MALRD1: variants seen among roughly 807,000 people sequenced by gnomAD.
MALRD1 encodes the protein MAM and LDL receptor class A domain containing 1, also known as MAM and LDL-receptor class A domain-containing protein 1.
In MALRD1, 247 loss-of-function variants were observed where a neutral mutation model predicts 242.1. The observed-to-expected ratio is 1.02, with a 90% CI of 0.92 to 1.13. The LOEUF is 1.13. Ranked by LOEUF, MALRD1 falls within the 50% of genes most tolerant of loss-of-function variation. The pLI is 0.00. For missense variants in MALRD1, 2,989 were observed against 2,533.1 expected (o/e 1.18, Z -3.86); for synonymous variants, 995 against 866.6 (o/e 1.15, Z -2.60).
At chr10:19,363,482 G>A (rs1844982857) in intron 26 of MALRD1, among the ~76,000 whole-genome samples, 1 of 152,126 alleles carries the variant, frequency 6.6e-6, no homozygotes, top group Non-Finnish European at 1.5e-5. Context: ...ACTGGCCATT[G>A]TATTTAGCAA....
Position 19,568,947 on chromosome 10 carries a change from A to G in MALRD1, c.5680+1244A>G, listed in dbSNP as rs148906918. Among the ~76,000 whole-genome samples the G allele has an allele frequency of 9.2e-3, 1,402 of 152,266 alleles. 13 individuals carry two copies. The highest frequency in any genetic ancestry group is 0.038 in the South Asian group (185 of 4,830). ...GCACACCTCTGTAGATTCTAGATAC[A>G]TATTCACATAATAATATGAACAGAT... On this transcript the variant is annotated intron_variant, in intron 33 of 39. Transcript: ENST00000454679.
At chr10:19,087,666 A>G (rs897663858) in intron 2 of MALRD1, among the ~76,000 whole-genome samples, 174 bp from the exon 3 acceptor site, 1 of 152,004 alleles carries the variant, frequency 6.6e-6, no homozygotes, top group Non-Finnish European at 1.5e-5. Context: ...TGGGGTATCC[A>G]TCCCCTAAGC....
intron 36 of MALRD1, among the ~76,000 whole-genome samples, chr10:19,634,993 C>A (rs1215419622): frequency 1.3e-5 from 2 of 152,144 alleles, no homozygotes; most frequent in African/African-American, 4.8e-5. Context: ...TTGCCTTGAT[C>A]TGTAGCTTTT....
chr10:19,607,734 A>G, intron 34 of MALRD1, 43 bp from the exon 35 acceptor site: 1 of 1,524,906 alleles, frequency 6.6e-7, no homozygotes, highest in Non-Finnish European at 8.8e-7. Flanking sequence ...GACAAAAAAA[A>G]ATCATGCTGG....
At chr10:19,627,348 G>A (rs1189875160) in intron 36 of MALRD1, among the ~76,000 whole-genome samples, 2 of 151,994 alleles carry the variant, frequency 1.3e-5, no homozygotes. Flanking sequence ...TCGAAAACTT[G>A]ATCACATGGA....
At chr10:19,371,935 A>G (rs1384704979) in intron 26 of MALRD1, among the ~76,000 whole-genome samples, 1 of 152,172 alleles carries the variant, frequency 6.6e-6, no homozygotes, top group Non-Finnish European at 1.5e-5. Context: ...GAATTCCCAC[A>G]GATATGAGTA....
At chr10:19,124,484 G>A in intron 6 of MALRD1, 40 bp from the exon 7 acceptor site, 1 of 1,233,194 alleles carries the variant, frequency 8.1e-7, no homozygotes, top group Non-Finnish European at 1.0e-6. Flanking sequence ...AGCCACTCTA[G>A]CAGACTAATA....
chr10:19,680,239 G>A (rs541375940), intron 36 of MALRD1, among the ~76,000 whole-genome samples: 31 of 152,230 alleles, frequency 2.0e-4, no homozygotes, highest in African/African-American at 7.5e-4. Context: ...ACAGTTGGGT[G>A]TTAAAGTCTT....
intron 6 of MALRD1, 70 bp from the exon 7 acceptor site, chr10:19,124,454 A>G: frequency 8.3e-7 from 1 of 1,201,822 alleles, no homozygotes; most frequent in Non-Finnish European, 1.0e-6. Flanking sequence ...GGTTGATTAC[A>G]ACACATAACT....
chr10:19,174,860 T>C (rs1294234268), intron 13 of MALRD1, among the ~76,000 whole-genome samples: 1 of 152,152 alleles, frequency 6.6e-6, no homozygotes, highest in African/African-American at 2.4e-5. Context: ...TCAATTCATA[T>C]CTCAGTTAAA....
At chr10:19,070,960 T>G (rs1835128406) in intron 2 of MALRD1, among the ~76,000 whole-genome samples, 1 of 148,070 alleles carries the variant, frequency 6.8e-6, no homozygotes, top group Non-Finnish European at 1.5e-5. Flanking sequence ...CAAGCAATTC[T>G]CCTGTGTCAG....
At chr10:19,562,777 C>T (rs1223413270) in intron 32 of MALRD1, among the ~76,000 whole-genome samples, 3 of 152,052 alleles carry the variant, frequency 2.0e-5, no homozygotes, top group Non-Finnish European at 4.4e-5. Flanking sequence ...GTGGCAGTGG[C>T]GTTAGATTCC....
intron 31 of MALRD1, among the ~76,000 whole-genome samples, chr10:19,512,412 A>T (rs1040806833): frequency 5.9e-4 from 90 of 152,352 alleles, no homozygotes; most frequent in African/African-American, 2.1e-3. Flanking sequence ...ACATTTGCCC[A>T]AGGCAATCCA....
chr10:19,302,786 T>A (rs995905145), intron 21 of MALRD1, among the ~76,000 whole-genome samples: 1 of 151,750 alleles, frequency 6.6e-6, no homozygotes, highest in Non-Finnish European at 1.5e-5. Flanking sequence ...GGCTAATTTT[T>A]TGAAAAATAA....
At chr10:19,514,007 G>C (rs1431622540) in intron 31 of MALRD1, among the ~76,000 whole-genome samples, 1 of 152,134 alleles carries the variant, frequency 6.6e-6, no homozygotes, top group African/African-American at 2.4e-5. Context: ...ACCTGTACTT[G>C]TTAGAGTCCT....
intron 32 of MALRD1, among the ~76,000 whole-genome samples, chr10:19,550,645 T>G (rs1485185897): frequency 1.3e-5 from 2 of 152,104 alleles, no homozygotes; most frequent in African/African-American, 4.8e-5. Context: ...GGCTTCTAGC[T>G]CCATCCATGT....
chr10:19,705,872 A>G (rs1045561740), intron 38 of MALRD1, among the ~76,000 whole-genome samples: 22 of 146,710 alleles, frequency 1.5e-4, no homozygotes, highest in South Asian at 8.7e-4. Flanking sequence ...GCCAGTCATT[A>G]TTTATTCCAC....
At chr10:19,126,279 A>T (rs952167293) in intron 7 of MALRD1, among the ~76,000 whole-genome samples, 4 of 152,140 alleles carry the variant, frequency 2.6e-5, no homozygotes, top group Non-Finnish European at 5.9e-5. Flanking sequence ...CACTTGCAGA[A>T]ATTATGTTAT....
chr10:19,607,968 A>T, intron 35 of MALRD1, 66 bp downstream of exon 35: 1 of 1,517,754 alleles, frequency 6.6e-7, no homozygotes, highest in Non-Finnish European at 8.9e-7. Flanking sequence ...ACACAATGAA[A>T]ATATTAAAAC....
Sources: allele counts gnomAD v4.1 joint callset (sites outside exome capture counted in the v4.1 genomes callset), GRCh38; gene constraint gnomAD v4.1.1; transcripts MANE v1.5; gene names NCBI Gene and HGNC (gene_info 2026-07-23, HGNC 2026-07-21).